PTPRT: variants seen among roughly 807,000 people sequenced by gnomAD.
PTPRT encodes the protein receptor-type tyrosine-protein phosphatase T.
In PTPRT, 56 loss-of-function variants were observed where a neutral mutation model predicts 176.8. That is an observed-to-expected ratio of 0.32 (90% CI 0.26 to 0.40). PTPRT has a LOEUF of 0.40. Ranked by LOEUF, PTPRT falls within the 10% of genes least tolerant of loss-of-function variation. PTPRT has a pLI of 1.00. For missense variants in PTPRT, 1,540 were observed against 1,908.2 expected (o/e 0.81, Z 3.60); for synonymous variants, 783 against 739.0 (o/e 1.06, Z -0.96).
intron 7 of PTPRT, among the ~76,000 whole-genome samples, chr20:42,554,830 T>C (rs2072832239): frequency 6.6e-6 from 1 of 152,156 alleles, no homozygotes; most frequent in Non-Finnish European, 1.5e-5. Context: ...AAACAGAGCT[T>C]TGAAGATTTT....
intron 1 of PTPRT, among the ~76,000 whole-genome samples, chr20:43,042,668 G>A (rs955798038): frequency 5.3e-5 from 8 of 150,398 alleles, no homozygotes; most frequent in Non-Finnish European, 1.0e-4. Context: ...AAGGAAAGTT[G>A]CCTTGGACCT....
At chr20:43,080,687 C>T (rs1293766222) in intron 1 of PTPRT, among the ~76,000 whole-genome samples, 2 of 152,208 alleles carry the variant, frequency 1.3e-5, no homozygotes, top group African/African-American at 4.8e-5. Context: ...GTAGAGGTGG[C>T]CATGCAACTA....
chr20:42,529,186 G>A (rs975116265), intron 7 of PTPRT, among the ~76,000 whole-genome samples: 12 of 152,170 alleles, frequency 7.9e-5, no homozygotes, highest in Non-Finnish European at 1.0e-4. Context: ...ATAGGACTTC[G>A]AAGATCCTCA....
At chr20:42,352,692 G>T (rs541740283) in intron 9 of PTPRT, among the ~76,000 whole-genome samples, 10 of 152,238 alleles carry the variant, frequency 6.6e-5, no homozygotes, top group Admixed American at 4.6e-4. Context: ...TAATTTAACT[G>T]TACATTTTAA....
intron 7 of PTPRT, among the ~76,000 whole-genome samples, chr20:42,520,862 T>C (rs758483114): frequency 6.7e-6 from 1 of 150,142 alleles, no homozygotes; most frequent in Non-Finnish European, 1.5e-5. Context: ...GATAGATAGA[T>C]AGATAGATAG....
At chr20:43,121,629 C>T (rs1037265531) in intron 1 of PTPRT, among the ~76,000 whole-genome samples, 3 of 152,154 alleles carry the variant, frequency 2.0e-5, no homozygotes, top group Admixed American at 1.3e-4. Context: ...TGGTAAAATG[C>T]CTCTTCACAT....
intron 6 of PTPRT, among the ~76,000 whole-genome samples, chr20:42,753,463 T>C (rs2076791283): frequency 6.6e-6 from 1 of 152,202 alleles, no homozygotes; most frequent in African/African-American, 2.4e-5. Context: ...GCCAAAAATA[T>C]GGATGAATTT....
chr20:42,627,903 C>T (rs1263753428), intron 7 of PTPRT, among the ~76,000 whole-genome samples: 1 of 152,142 alleles, frequency 6.6e-6, no homozygotes, highest in Non-Finnish European at 1.5e-5. Context: ...GAATGCTTGT[C>T]ATTTGCTCAA....
intron 1 of PTPRT, chr20:42,969,406 G>C (rs879878315): frequency 6.6e-6 from 1 of 152,216 alleles, no homozygotes; most frequent in African/African-American, 2.4e-5. Flanking sequence ...CCACAAGGTA[G>C]CCAAAGTCCA....
chr20:42,704,552 C>T lies in PTPRT; in HGVS notation c.860-26393G>A, dbSNP rs1411905709. On this transcript the variant is annotated intron_variant, in intron 6 of 30. Transcript: ENST00000373187. Reference sequence around the variant, plus strand: ...TCTTGTGCCATGGCAAACTAAATACCATTCTGGGCCTTTCTACCTTCCACA... The same window carrying T: ...TCTTGTGCCATGGCAAACTAAATACTATTCTGGGCCTTTCTACCTTCCACA... 2.6e-5 allele frequency among the ~76,000 whole-genome samples: 4 copies of T among 152,048 alleles called. No homozygotes were observed. In the East Asian group the frequency reaches 7.7e-4, roughly 29 times the overall value.
At chr20:42,451,524 C>T (rs1285539297) in intron 8 of PTPRT, among the ~76,000 whole-genome samples, 4 of 151,946 alleles carry the variant, frequency 2.6e-5, no homozygotes, top group Non-Finnish European at 5.9e-5. Flanking sequence ...AAAAATAGGT[C>T]TAAGACTAAG....
At chr20:43,094,112 G>A (rs1312629538) in intron 1 of PTPRT, among the ~76,000 whole-genome samples, 3 of 135,460 alleles carry the variant, frequency 2.2e-5, no homozygotes, top group Non-Finnish European at 4.6e-5. Flanking sequence ...TTTTTTTGAC[G>A]GAGTCTTGCC....
intron 7 of PTPRT, among the ~76,000 whole-genome samples, chr20:42,598,515 T>C (rs1369677484): frequency 3.3e-5 from 5 of 152,194 alleles, no homozygotes; most frequent in Non-Finnish European, 7.3e-5. Context: ...GAAAACTTGT[T>C]AGGGAAGACA....
At chr20:42,939,056 T>G (rs767888655) in intron 1 of PTPRT, among the ~76,000 whole-genome samples, 1 of 152,190 alleles carries the variant, frequency 6.6e-6, no homozygotes, top group Non-Finnish European at 1.5e-5. Context: ...CTTGCCCCCT[T>G]AACCATCACT....
chr20:42,667,203 G>C (rs565610357), intron 7 of PTPRT, among the ~76,000 whole-genome samples: 101 of 152,300 alleles, frequency 6.6e-4, no homozygotes, highest in African/African-American at 2.3e-3. Context: ...AATGATTCTG[G>C]ATTTCAGGAG....
At chr20:42,348,281 A>C (rs1242002989) in intron 11 of PTPRT, among the ~76,000 whole-genome samples, 2 of 152,152 alleles carry the variant, frequency 1.3e-5, no homozygotes, top group Non-Finnish European at 2.9e-5. Flanking sequence ...CTGAGTCTAC[A>C]CCCACCCTCA....
chr20:42,479,013 C>A lies in PTPRT; in HGVS notation c.1154-6451G>T, dbSNP rs76639344. ...AATAAGTAGAGGGTTGAATCAGGAT[C>A]TCCTTACACTCCAATTGTTAAGGGT... On this transcript the variant is annotated intron_variant, in intron 7 of 30. Coordinates refer to ENST00000373187, the MANE Select transcript of PTPRT (RefSeq NM_007050.6). 8.4e-3 allele frequency among the ~76,000 whole-genome samples: 1,286 copies of A among 152,314 alleles called. 13 individuals are homozygous for A. Among genetic ancestry groups the A allele is most frequent in the African/African-American group, 0.029 (1,211 of 41,574 alleles).
chr20:42,641,869 G>T (rs2074762216), intron 7 of PTPRT, among the ~76,000 whole-genome samples: 1 of 152,250 alleles, frequency 6.6e-6, no homozygotes. Context: ...CCAGTTTCCA[G>T]TCCCAGCTCT....
At chr20:43,171,255 CTTCGA>C (rs2014991295) in intron 1 of PTPRT, among the ~76,000 whole-genome samples, 2 of 152,080 alleles carry the variant, frequency 1.3e-5, no homozygotes, top group African/African-American at 4.8e-5. Context: ...AACACAGAAT[CTTCGA>C]TTCAAGATTA....
Sources: allele counts gnomAD v4.1 joint callset (sites outside exome capture counted in the v4.1 genomes callset), GRCh38; gene constraint gnomAD v4.1.1; transcripts MANE v1.5; gene names NCBI Gene and HGNC (gene_info 2026-07-23, HGNC 2026-07-21).